The following NCALD variants were observed in gnomAD, a reference collection of about 807,000 sequenced individuals.
The protein encoded by NCALD is neurocalcin delta, also known as neurocalcin-delta.
A neutral mutation model predicts 18.6 loss-of-function variants in NCALD; 10 were observed. The ratio of observed to expected loss-of-function variants is 0.54; its 90% CI spans 0.33 to 0.91. The LOEUF is 0.91. NCALD is among the 40% of genes least tolerant of loss of function. NCALD has a pLI of 0.03. For missense variants in NCALD, 184 were observed against 247.6 expected (o/e 0.74, Z 1.72); for synonymous variants, 88 against 87.4 (o/e 1.01, Z -0.04).
chr8:101,816,521 C>T (rs188988508), intron 4 of NCALD, among the ~76,000 whole-genome samples: 8 of 152,272 alleles, frequency 5.3e-5, no homozygotes, highest in Admixed American at 4.6e-4. Context: ...TTTGTTCAAC[C>T]TAATGTAGAA....
chr8:101,757,487 C>T (rs1049427992), intron 1 of NCALD, among the ~76,000 whole-genome samples: 1 of 152,134 alleles, frequency 6.6e-6, no homozygotes, highest in Non-Finnish European at 1.5e-5. Flanking sequence ...TGACTTTCCC[C>T]AATGAATAAG....
intron 1 of NCALD, among the ~76,000 whole-genome samples, chr8:101,730,230 T>C (rs899130248): frequency 3.3e-5 from 5 of 151,918 alleles, no homozygotes; most frequent in African/African-American, 1.2e-4. Flanking sequence ...GCCTCTAATC[T>C]CAGCACTTTG....
intron 3 of NCALD, among the ~76,000 whole-genome samples, chr8:101,910,893 T>C (rs1442378587): frequency 1.3e-5 from 2 of 152,344 alleles, no homozygotes; most frequent in East Asian, 1.9e-4. Flanking sequence ...CCTAAGAATT[T>C]AGCCCTGATC....
intron 4 of NCALD, among the ~76,000 whole-genome samples, chr8:101,836,159 G>C (rs1028860454): frequency 6.6e-6 from 1 of 152,142 alleles, no homozygotes; most frequent in Non-Finnish European, 1.5e-5. Context: ...ACAAGAAGGA[G>C]ATAAAGACAG....
intron 1 of NCALD, among the ~76,000 whole-genome samples, chr8:101,740,810 G>A (rs1224453881): frequency 2.0e-5 from 3 of 152,146 alleles, no homozygotes; most frequent in Admixed American, 1.3e-4. Context: ...GTGTGTGCCT[G>A]GCTGGGTTTA....
At chr8:101,804,707 AT>A (rs1451320680) in intron 4 of NCALD, among the ~76,000 whole-genome samples, 45 of 145,400 alleles carry the variant, frequency 3.1e-4, no homozygotes, top group African/African-American at 1.1e-3. Context: ...TTATATATAA[AT>A]AATTATAATA....
intron 1 of NCALD, among the ~76,000 whole-genome samples, chr8:102,120,193 A>G (rs1825904984): frequency 6.6e-6 from 1 of 152,236 alleles, no homozygotes; most frequent in Admixed American, 6.5e-5. Context: ...ACAGTCCTAT[A>G]GTGAACATCT....
At chr8:101,958,648 T>C (rs1275142356) in intron 2 of NCALD, among the ~76,000 whole-genome samples, 2 of 152,130 alleles carry the variant, frequency 1.3e-5, no homozygotes, top group African/African-American at 2.4e-5. Flanking sequence ...AAATGGGTCA[T>C]TATCCCTCAA....
chr8:101,831,241 C>T lies in NCALD; in HGVS notation c.-20+55900G>A, dbSNP rs189645065. The stretch of plus-strand genomic sequence containing the variant: ...CTAGTGAAATAGCATGAACCCTGGG[C>T]TGTCTGGGCTAATGAGAGGGAAATT... On this transcript the variant is annotated intron_variant, in intron 4 of 6. Coordinates refer to the NCALD transcript ENST00000311028. Among the ~76,000 whole-genome samples the T allele has an allele frequency of 7.2e-5, 11 of 152,264 alleles. No homozygotes were observed. The East Asian group carries it at 1.7e-3, about 24-fold the overall frequency.
chr8:102,106,466 TAC>T (rs398009101), intron 1 of NCALD, among the ~76,000 whole-genome samples: 2,121 of 138,896 alleles, frequency 0.015, 59 homozygotes, highest in African/African-American at 0.052. Flanking sequence ...TATATATATA[TAC>T]ACACACACAC....
intron 2 of NCALD, among the ~76,000 whole-genome samples, chr8:102,015,092 C>A (rs1010203819): frequency 2.0e-5 from 3 of 152,194 alleles, no homozygotes; most frequent in African/African-American, 7.2e-5. Flanking sequence ...TGATGTACTT[C>A]TCGACCCATA....
At chr8:101,825,642 G>C (rs1454652958) in intron 4 of NCALD, among the ~76,000 whole-genome samples, 1 of 152,242 alleles carries the variant, frequency 6.6e-6, no homozygotes, top group African/African-American at 2.4e-5. Context: ...CAGTAATTCA[G>C]TCGGGTTCAG....
chr8:102,023,526 G>C (rs1220389756), intron 1 of NCALD, among the ~76,000 whole-genome samples: 1 of 152,186 alleles, frequency 6.6e-6, no homozygotes, highest in Non-Finnish European at 1.5e-5. Context: ...CATTCCCAAG[G>C]GGGAATCTAG....
chr8:102,005,031 G>C (rs1219065326), intron 2 of NCALD, among the ~76,000 whole-genome samples: 1 of 152,138 alleles, frequency 6.6e-6, no homozygotes, highest in Non-Finnish European at 1.5e-5. Context: ...TTGACAAATG[G>C]GATCTAATGA....
intron 2 of NCALD, among the ~76,000 whole-genome samples, chr8:101,939,535 T>A (rs1818880132): frequency 3.3e-5 from 5 of 152,242 alleles, no homozygotes; most frequent in Admixed American, 3.3e-4. Context: ...AAGCTTTAAG[T>A]AGCTTAACTT....
intron 4 of NCALD, among the ~76,000 whole-genome samples, chr8:101,800,032 T>G (rs1812782717): frequency 1.3e-5 from 2 of 152,182 alleles, no homozygotes; most frequent in Admixed American, 1.3e-4. Context: ...GAAGGTGAGA[T>G]AAAATATTTT....
At chr8:101,954,792 T>C (rs1044541295) in intron 2 of NCALD, among the ~76,000 whole-genome samples, 4 of 152,200 alleles carry the variant, frequency 2.6e-5, no homozygotes, top group Admixed American at 6.5e-5. Flanking sequence ...AATATAGAAA[T>C]AAGAATCATC....
chr8:101,788,016 G>A (rs1252867868), intron 1 of NCALD, among the ~76,000 whole-genome samples: 2 of 152,130 alleles, frequency 1.3e-5, no homozygotes, highest in African/African-American at 4.8e-5. Flanking sequence ...TCCCAATCCA[G>A]GGGACATAAG....
chr8:101,805,474 C>T (rs1387169977), intron 4 of NCALD, among the ~76,000 whole-genome samples: 1 of 152,186 alleles, frequency 6.6e-6, no homozygotes, highest in Non-Finnish European at 1.5e-5. Context: ...ATCAAAAATA[C>T]CAGGGCTCGT....
Sources: allele counts gnomAD v4.1 joint callset (sites outside exome capture counted in the v4.1 genomes callset), GRCh38; gene constraint gnomAD v4.1.1; transcripts MANE v1.5; gene names NCBI Gene and HGNC (gene_info 2026-07-23, HGNC 2026-07-21).